LRIG1: variants seen among roughly 807,000 people sequenced by gnomAD.
LRIG1 encodes the protein leucine rich repeats and immunoglobulin like domains 1, also known as leucine-rich repeats and immunoglobulin-like domains protein 1.
LRIG1 carries 48 observed loss-of-function variants against 99.2 expected under a neutral mutation model. The ratio of observed to expected loss-of-function variants is 0.48; its 90% CI spans 0.38 to 0.62. LRIG1 has a LOEUF of 0.62. Ranked by LOEUF, LRIG1 falls within the 20% of genes least tolerant of loss-of-function variation. The pLI, the probability that LRIG1 is intolerant of heterozygous loss-of-function variation, is 0.00. For synonymous variants in LRIG1, 772 were observed against 596.1 expected, an observed-to-expected ratio of 1.29 and a Z score of -4.30; for missense variants, 1,646 against 1,434.4, an observed-to-expected ratio of 1.15 and a Z score of -2.38.
intron 9 of LRIG1, among the ~76,000 whole-genome samples, chr3:66,400,583 C>T (rs1702015317): frequency 6.6e-6 from 1 of 152,168 alleles, no homozygotes; most frequent in African/African-American, 2.4e-5. Context: ...CCATCTGGCC[C>T]AGCCCCCTAC....
In LRIG1 at chr3:66,380,273, G is replaced by A. The variant is rs533716890; in HGVS notation, c.3272C>T (p.Pro1091Leu). The A allele has an allele frequency of 2.9e-5, 47 of 1,608,426 alleles. No homozygotes were observed. Among genetic ancestry groups the A allele is most frequent in the Non-Finnish European group, 3.6e-5 (42 of 1,177,132 alleles). ...TGAGGTAGACAAAACCTAGCTTTTT[G>A]GTGCCAACAGCAGTGGCACCCTCTG... Reference protein sequence around the residue: ...GKQRVPLLLAPKS With the variant: ...GKQRVPLLLALKS The change falls in exon 19 of 19, where the codon CCA becomes CTA. Residue 1091 changes from proline (P) to leucine (L), a missense_variant. Pro to Leu is a moderately conservative substitution (Grantham distance 98). Transcript: ENST00000273261.
intron 1 of LRIG1, among the ~76,000 whole-genome samples, chr3:66,471,509 C>A (rs1700594951): frequency 6.6e-6 from 1 of 152,206 alleles, no homozygotes; most frequent in Non-Finnish European, 1.5e-5. Context: ...CCCCGAGGTG[C>A]CCTGACAGCC....
At chr3:66,440,454 G>A (rs1456948789) in intron 3 of LRIG1, among the ~76,000 whole-genome samples, 2 of 152,176 alleles carry the variant, frequency 1.3e-5, no homozygotes, top group African/African-American at 2.4e-5. Flanking sequence ...CCCGTAAGAG[G>A]AATGAACAGA....
chr3:66,393,263 G>A lies in LRIG1; in HGVS notation c.1468+777C>T, dbSNP rs762881968. Among the ~76,000 whole-genome samples the A allele has an allele frequency of 3.9e-5, 6 of 152,342 alleles. No individual in the cohort carries two copies. The South Asian group carries it at 6.2e-4, about 16-fold the overall frequency. ...GGAGACCAGTGAGCACAAAAGGCAGGAGGGACTTAACACCTGCCCAGCAGT... is the reference window on the plus strand; with the variant it reads ...GGAGACCAGTGAGCACAAAAGGCAGAAGGGACTTAACACCTGCCCAGCAGT... On this transcript the variant is annotated intron_variant, in intron 12 of 18. Coordinates refer to ENST00000273261, the MANE Select transcript of LRIG1 (RefSeq NM_015541.3).
At chr3:66,496,456 A>AG (rs1407931898) in intron 1 of LRIG1, among the ~76,000 whole-genome samples, 1 of 152,224 alleles carries the variant, frequency 6.6e-6, no homozygotes, top group East Asian at 1.9e-4. Context: ...AAGTTGTCAG[A>AG]GAGCTATCAA....
chr3:66,484,324 G>C (rs1035701406), intron 1 of LRIG1, among the ~76,000 whole-genome samples: 10 of 152,166 alleles, frequency 6.6e-5, no homozygotes, highest in Non-Finnish European at 1.5e-4. Flanking sequence ...CTTCACACTA[G>C]ATTCTGGGAA....
rs1700999449 is a variant in LRIG1 at position 66,380,746 on chromosome 3, T to G, written c.2886A>C (p.Pro962=). The G allele has an allele frequency of 6.2e-7, 1 of 1,614,090 alleles. No individual in the cohort carries two copies. The highest frequency in any genetic ancestry group is 1.7e-5 in the Admixed American group (1 of 60,008). ...VSRDSAQPSA[P]NGPEPGGSDQ... ...CACTCCCACCCGGCTCCGGGCCATT[T>G]GGCGCACTTGGCTGTGCGCTGTCTC... is the stretch of plus-strand genomic sequence containing the variant. Residue 962 remains proline, a synonymous_variant, in exon 18 of 19, where the codon CCA becomes CCC. Coordinates refer to ENST00000273261, the MANE Select transcript of LRIG1 (RefSeq NM_015541.3).
intron 3 of LRIG1, among the ~76,000 whole-genome samples, chr3:66,436,931 A>C (rs1390603288): frequency 6.6e-6 from 1 of 152,226 alleles, no homozygotes; most frequent in Non-Finnish European, 1.5e-5. Flanking sequence ...CAAGCACTAA[A>C]GGCTCTGAAA....
chr3:66,498,638 G>A (rs1701281820), intron 1 of LRIG1, among the ~76,000 whole-genome samples: 1 of 151,214 alleles, frequency 6.6e-6, no homozygotes. Flanking sequence ...GACTACCTAA[G>A]GACAATACTG....
chr3:66,460,731 T>C (rs994500995), intron 2 of LRIG1, among the ~76,000 whole-genome samples: 23 of 152,188 alleles, frequency 1.5e-4, no homozygotes, highest in Non-Finnish European at 3.1e-4. Flanking sequence ...GGCAGCAGCC[T>C]TAGCAAACTA....
chr3:66,481,016 A>G (rs774541948), intron 1 of LRIG1, among the ~76,000 whole-genome samples: 4 of 152,274 alleles, frequency 2.6e-5, no homozygotes, highest in East Asian at 1.9e-4. Context: ...GTGTGAAACT[A>G]TATGTTTCAG....
At chr3:66,387,406 A>G (rs1701429088) in intron 12 of LRIG1, 1 of 152,050 alleles carries the variant, frequency 6.6e-6, no homozygotes, top group African/African-American at 2.4e-5. Flanking sequence ...ACACAAACAC[A>G]CAAGCCGTCG....
intron 12 of LRIG1, among the ~76,000 whole-genome samples, chr3:66,388,495 A>C (rs563389145): frequency 3.0e-4 from 46 of 152,350 alleles, no homozygotes; most frequent in African/African-American, 1.1e-3. Flanking sequence ...GTGCAGCCAC[A>C]CATCCAAGAA....
At chr3:66,452,405 G>A (rs115400278) in intron 2 of LRIG1, among the ~76,000 whole-genome samples, 4 of 152,174 alleles carry the variant, frequency 2.6e-5, no homozygotes, top group African/African-American at 9.7e-5. Flanking sequence ...GTGCAATCTG[G>A]CCTCCTTACA....
chr3:66,494,023 A>G (rs1265101351), intron 1 of LRIG1, among the ~76,000 whole-genome samples: 5 of 150,548 alleles, frequency 3.3e-5, no homozygotes, highest in Admixed American at 3.3e-4. Flanking sequence ...AGGGAAGGGG[A>G]AGGGAAGAAG....
intron 3 of LRIG1, among the ~76,000 whole-genome samples, chr3:66,440,985 G>A (rs918086749): frequency 6.6e-6 from 1 of 152,294 alleles, no homozygotes; most frequent in Non-Finnish European, 1.5e-5. Flanking sequence ...AAGGTGAAGA[G>A]ATCCATTTGT....
chr3:66,392,421 G>T (rs959399493), intron 12 of LRIG1, among the ~76,000 whole-genome samples: 1 of 152,146 alleles, frequency 6.6e-6, no homozygotes, highest in East Asian at 1.9e-4. Context: ...AGTGTAGGAG[G>T]GTTCTCCCTA....
rs1334352619 is a variant in LRIG1, at chr3:66,383,412, G to A, written c.2072-11C>T. The A allele has an allele frequency of 1.3e-6, 2 of 1,531,186 alleles. No homozygotes were observed. Among genetic ancestry groups the A allele is most frequent in the Non-Finnish European group, 1.8e-6 (2 of 1,135,644 alleles). 94.8% of individuals were successfully genotyped at this position (1,531,186 alleles called of 1,614,324 possible). ...CCAAGGATGGGGTCTCTACAAGAGA[G>A]CAACAGAGATCTTAGTCATTCTCAG... is the stretch of plus-strand genomic sequence containing the variant. On this transcript the variant is annotated splice_polypyrimidine_tract_variant and intron_variant, in intron 14 of 18. Transcript: ENST00000273261.
At chr3:66,460,909 A>G (rs188560286) in intron 2 of LRIG1, among the ~76,000 whole-genome samples, 18 of 152,334 alleles carry the variant, frequency 1.2e-4, no homozygotes, top group Admixed American at 6.5e-4. Flanking sequence ...TATAAACGCC[A>G]ATCTGGAGAA....
Sources: allele counts gnomAD v4.1 joint callset (sites outside exome capture counted in the v4.1 genomes callset), GRCh38; gene constraint gnomAD v4.1.1; transcripts MANE v1.5; gene names NCBI Gene and HGNC (gene_info 2026-07-23, HGNC 2026-07-21).